Variants in SPECC1 observed in about 807,000 individuals in gnomAD.
SPECC1 encodes cytospin-B.
A neutral mutation model predicts 104.1 loss-of-function variants in SPECC1; 62 were observed. That is an observed-to-expected ratio of 0.60 (90% CI 0.49 to 0.74). The LOEUF is 0.74. SPECC1 is among the 30% of genes least tolerant of loss of function. The pLI, the probability that SPECC1 is intolerant of heterozygous loss-of-function variation, is 0.00. For synonymous variants in SPECC1, 513 were observed against 501.6 expected (o/e 1.02, Z -0.30); for missense variants, 1,306 against 1,310.5 (o/e 1.00, Z 0.05).
chr17:20,136,568 C>T (rs2030001359), intron 3 of SPECC1, among the ~76,000 whole-genome samples: 1 of 152,088 alleles, frequency 6.6e-6, no homozygotes, highest in Non-Finnish European at 1.5e-5. Flanking sequence ...AAGTTTTGCT[C>T]CTGCCCCTTT....
intron 1 of SPECC1, among the ~76,000 whole-genome samples, chr17:20,080,042 T>G (rs556664495): frequency 2.6e-5 from 4 of 152,374 alleles, no homozygotes; most frequent in African/African-American, 9.6e-5. Flanking sequence ...GTTGCCATTG[T>G]CAACTACCAT....
At chr17:20,231,050 A>G (rs1274603618) in intron 5 of SPECC1, among the ~76,000 whole-genome samples, 1 of 152,200 alleles carries the variant, frequency 6.6e-6, no homozygotes, top group African/African-American at 2.4e-5. Flanking sequence ...AGTGACTGAC[A>G]CCATCAGATT....
At chr17:20,198,343 G>T (rs1404584199) in intron 3 of SPECC1, among the ~76,000 whole-genome samples, 6 of 152,202 alleles carry the variant, frequency 3.9e-5, no homozygotes, top group Admixed American at 6.5e-5. Flanking sequence ...CTGTAGCAGG[G>T]TGGGGAAAGC....
chr17:20,062,505 G>A (rs1269113163), intron 1 of SPECC1, among the ~76,000 whole-genome samples: 1 of 151,920 alleles, frequency 6.6e-6, no homozygotes, highest in African/African-American at 2.4e-5. Flanking sequence ...TGGGACTACA[G>A]GCATGTGCCA....
intron 1 of SPECC1, among the ~76,000 whole-genome samples, chr17:20,085,901 A>G (rs2047159235): frequency 6.6e-6 from 1 of 152,248 alleles, no homozygotes; most frequent in Admixed American, 6.5e-5. Context: ...AGTTAGGGCC[A>G]TGCGGCGATG....
At chr17:20,245,576 CAGT>C (rs1285490672) in intron 7 of SPECC1, among the ~76,000 whole-genome samples, 4 of 152,188 alleles carry the variant, frequency 2.6e-5, no homozygotes, top group African/African-American at 9.6e-5. Context: ...TCACCATTGA[CAGT>C]AGGTGAAATA....
intron 4 of SPECC1, among the ~76,000 whole-genome samples, chr17:20,213,395 C>T (rs2151391184): frequency 6.6e-6 from 1 of 152,264 alleles, no homozygotes; most frequent in South Asian, 2.1e-4. Flanking sequence ...GTACCCAGAG[C>T]TCTTATTATA....
chr17:20,286,286 A>T (rs1374280139), intron 12 of SPECC1, among the ~76,000 whole-genome samples: 1 of 152,212 alleles, frequency 6.6e-6, no homozygotes, highest in Non-Finnish European at 1.5e-5. Flanking sequence ...ATATCAAGGA[A>T]AATACCAGAA....
At chr17:20,112,295 T>G in intron 3 of SPECC1, 1 of 760,442 alleles carries the variant, frequency 1.3e-6, no homozygotes, top group Non-Finnish European at 2.5e-6. Flanking sequence ...GAGAGCTTAT[T>G]GTACATGATG....
intron 2 of SPECC1, among the ~76,000 whole-genome samples, chr17:20,109,882 G>A (rs1230487888): frequency 6.6e-6 from 1 of 151,938 alleles, no homozygotes; most frequent in Non-Finnish European, 1.5e-5. Flanking sequence ...GTTTAGAGAC[G>A]AGGTTTCACT....
intron 1 of SPECC1, among the ~76,000 whole-genome samples, chr17:20,090,057 C>A (rs114063495): frequency 6.6e-6 from 1 of 152,164 alleles, no homozygotes; most frequent in Non-Finnish European, 1.5e-5. Context: ...CGTATGAGAC[C>A]GTCTCAGACT....
rs116802816 is a variant in SPECC1 at position 20,138,796 on chromosome 17, A to G, written c.283+28234A>G. ...ACTGAAGGACATCCTGGTTGCTTCCAAGTGTTGGCAATTATGAATAAAGCT... is the reference window on the plus strand; with the variant it reads ...ACTGAAGGACATCCTGGTTGCTTCCGAGTGTTGGCAATTATGAATAAAGCT... On this transcript the variant is annotated intron_variant, in intron 3 of 14. Transcript: ENST00000395527. Among the ~76,000 whole-genome samples, 1,018 of 152,286 alleles carry G rather than the reference A, an allele frequency of 6.7e-3. 10 individuals carry two copies. Among genetic ancestry groups the G allele is most frequent in the African/African-American group, 0.023 (961 of 41,560 alleles).
chr17:20,037,537 CA>C (rs2045141675), intron 1 of SPECC1, among the ~76,000 whole-genome samples: 1 of 151,278 alleles, frequency 6.6e-6, no homozygotes, highest in Non-Finnish European at 1.5e-5. Context: ...TACCCATAGG[CA>C]GTGTGTCAAG....
intron 2 of SPECC1, among the ~76,000 whole-genome samples, chr17:20,108,240 A>G (rs1317800235): frequency 6.6e-6 from 1 of 152,036 alleles, no homozygotes; most frequent in East Asian, 1.9e-4. Flanking sequence ...AAAGGAAAAA[A>G]AAAAAACCCA....
chr17:20,020,717 T>C (rs777368130), intron 1 of SPECC1, among the ~76,000 whole-genome samples: 3 of 152,232 alleles, frequency 2.0e-5, no homozygotes, highest in Non-Finnish European at 4.4e-5. Context: ...CACTGGCCCA[T>C]GCAAGCCCCT....
At chr17:20,274,493 TTTTTTTC>T (rs1380615679) in intron 12 of SPECC1, among the ~76,000 whole-genome samples, 11 of 151,444 alleles carry the variant, frequency 7.3e-5, no homozygotes, top group Admixed American at 1.3e-4. Flanking sequence ...TTTTGTTTCC[TTTTTTTC>T]TTTTTTCTTT....
intron 1 of SPECC1, among the ~76,000 whole-genome samples, chr17:20,025,552 G>C (rs2044566684): frequency 6.6e-6 from 1 of 152,168 alleles, no homozygotes; most frequent in South Asian, 2.1e-4. Flanking sequence ...GTCACTCCTT[G>C]TATGGGCAGA....
rs574464292 is a variant in SPECC1 at position 20,074,146 on chromosome 17, C to G, written c.-21-22485C>G. Among the ~76,000 whole-genome samples the G allele has an allele frequency of 3.1e-4, 47 of 152,210 alleles. No individual in the cohort carries two copies. In the Middle Eastern group the frequency reaches 0.01, roughly 33 times the overall value. On this transcript the variant is annotated intron_variant, in intron 1 of 14. Coordinates refer to ENST00000395527, the MANE Select transcript of SPECC1 (RefSeq NM_001243439.2). ...TCTAAGGTCCTGTGGAGAGAACCGC[C>G]CACTCGACTAGTGCTTAGCCCCTGG...
At position 20,212,544 on chromosome 17, in the gene SPECC1, TA is replaced by T. The variant is rs1211228537; in HGVS notation, c.1863+6633del. Among the ~76,000 whole-genome samples, 28 of 152,276 alleles carry T rather than the reference TA, an allele frequency of 1.8e-4. 1 individual carries two copies. Among genetic ancestry groups the T allele is most frequent in the Non-Finnish European group, 5.9e-5 (4 of 68,012 alleles). ...TATAATCATCAGATCTCGTGAGACT[TA>T]TACTGTCAGGAGAACAGCACAGGAA... On this transcript the variant is annotated intron_variant, in intron 4 of 14. Coordinates refer to ENST00000395527, the MANE Select transcript of SPECC1 (RefSeq NM_001243439.2).
Sources: gnomAD v4.1 joint callset for allele counts (sites outside exome capture counted in the v4.1 genomes callset) on GRCh38, gnomAD v4.1.1 for gene constraint, MANE v1.5 for transcripts, NCBI Gene and HGNC (gene_info 2026-07-23, HGNC 2026-07-21) for gene names.